Variants in CSNK2A2IP observed in about 807,000 individuals in gnomAD.
The protein encoded by CSNK2A2IP is casein kinase II subunit alpha'-interacting protein.
the CSNK2A2IP span, among the ~76,000 whole-genome samples, chr3:88,369,677 G>C: frequency 6.6e-6 from 1 of 151,952 alleles, no homozygotes; most frequent in Non-Finnish European, 1.5e-5. Context: ...CAGGGAGAGA[G>C]TAGAGGTGGG....
the CSNK2A2IP span, among the ~76,000 whole-genome samples, chr3:88,409,855 C>T: frequency 1.3e-5 from 2 of 151,862 alleles, no homozygotes; most frequent in African/African-American, 4.8e-5. Flanking sequence ...TAAAATGAAA[C>T]AATAAAAACT....
At chr3:88,356,031 T>A in the CSNK2A2IP span, among the ~76,000 whole-genome samples, 1 of 152,176 alleles carries the variant, frequency 6.6e-6, no homozygotes, top group African/African-American at 2.4e-5. Context: ...CAATGTATAA[T>A]GATCAAATAA....
the CSNK2A2IP span, among the ~76,000 whole-genome samples, chr3:88,409,093 C>T: frequency 1.3e-5 from 2 of 151,846 alleles, no homozygotes; most frequent in Admixed American, 6.6e-5. Context: ...ATAATTGATC[C>T]CCTTCGGTGT....
chr3:88,466,151 A>G, the CSNK2A2IP span: 2,093 of 1,231,576 alleles, frequency 1.7e-3, 3 homozygotes, highest in Admixed American at 3.0e-3. Flanking sequence ...TTCAAACCCA[A>G]TCAAATTGCT....
chr3:88,360,118 G>A, the CSNK2A2IP span, among the ~76,000 whole-genome samples: 14 of 149,006 alleles, frequency 9.4e-5, no homozygotes, highest in Middle Eastern at 3.5e-3. Flanking sequence ...GACTTTCTTC[G>A]TCTTTTTAAA....
the CSNK2A2IP span, among the ~76,000 whole-genome samples, chr3:88,412,680 C>T: frequency 1.6e-4 from 24 of 151,916 alleles, no homozygotes; most frequent in African/African-American, 5.3e-4. Flanking sequence ...AGGAGCACTT[C>T]GTTGAGTGTA....
At chr3:88,445,158 A>G in the CSNK2A2IP span, among the ~76,000 whole-genome samples, 2 of 151,716 alleles carry the variant, frequency 1.3e-5, no homozygotes, top group Admixed American at 1.3e-4. Context: ...TATAATCTAC[A>G]ATATTCTAAA....
chr3:88,463,085 T>C, the CSNK2A2IP span, among the ~76,000 whole-genome samples: 1 of 152,190 alleles, frequency 6.6e-6, no homozygotes, highest in Non-Finnish European at 1.5e-5. Context: ...ATAGAGTTGA[T>C]AGTAAATTAA....
the CSNK2A2IP span, among the ~76,000 whole-genome samples, chr3:88,348,902 T>C: frequency 1.3e-5 from 2 of 152,150 alleles, no homozygotes; most frequent in South Asian, 2.1e-4. Flanking sequence ...CCAATTCTTT[T>C]ATGTTTTTTT....
chr3:88,436,885 T>A, the CSNK2A2IP span, among the ~76,000 whole-genome samples: 1 of 152,110 alleles, frequency 6.6e-6, no homozygotes, highest in Non-Finnish European at 1.5e-5. Context: ...TATTTAAAAT[T>A]TGGGGGCAAA....
the CSNK2A2IP span, among the ~76,000 whole-genome samples, chr3:88,439,768 G>A: frequency 6.7e-6 from 1 of 150,370 alleles, no homozygotes; most frequent in East Asian, 1.9e-4. Context: ...TCATCGAAGA[G>A]TTATCTCTAC....
the CSNK2A2IP span, among the ~76,000 whole-genome samples, chr3:88,415,994 G>T: frequency 1.2e-4 from 18 of 152,104 alleles, no homozygotes; most frequent in East Asian, 3.1e-3. Context: ...GGGTGGGCCA[G>T]GTGCAGTGGC....
chr3:88,466,262 A>G, the CSNK2A2IP span: 39 of 1,231,644 alleles, frequency 3.2e-5, no homozygotes, highest in South Asian at 4.1e-5. Context: ...AAAGCAAGGC[A>G]ATCAGCATCA....
the CSNK2A2IP span, among the ~76,000 whole-genome samples, chr3:88,448,679 C>T: frequency 1.3e-5 from 2 of 152,200 alleles, no homozygotes; most frequent in African/African-American, 4.8e-5. Flanking sequence ...CGCAGACATA[C>T]TAAACTCCAG....
At chr3:88,401,314 A>G in the CSNK2A2IP span, among the ~76,000 whole-genome samples, 3 of 152,238 alleles carry the variant, frequency 2.0e-5, no homozygotes, top group Middle Eastern at 3.4e-3. Context: ...AACTCTGGGG[A>G]ACTATCATTA....
At chr3:88,418,383 C>A in the CSNK2A2IP span, among the ~76,000 whole-genome samples, 165 of 151,958 alleles carry the variant, frequency 1.1e-3, 1 homozygote, top group Non-Finnish European at 2.0e-3. Context: ...ATAATTAGGA[C>A]TGTCTTTATG....
the CSNK2A2IP span, among the ~76,000 whole-genome samples, chr3:88,421,524 C>T: frequency 6.6e-6 from 1 of 152,140 alleles, no homozygotes; most frequent in South Asian, 2.1e-4. Context: ...TCAAGCAATT[C>T]TCCTACCTCA....
At chr3:88,374,355 C>T in the CSNK2A2IP span, among the ~76,000 whole-genome samples, 30 of 151,586 alleles carry the variant, frequency 2.0e-4, no homozygotes, top group South Asian at 8.3e-4. Flanking sequence ...GCCAGCTGGA[C>T]GTTTGATGGA....
the CSNK2A2IP span, among the ~76,000 whole-genome samples, chr3:88,464,678 C>T: frequency 1.3e-5 from 2 of 151,890 alleles, no homozygotes; most frequent in South Asian, 2.1e-4. Flanking sequence ...TGAAAAGAAA[C>T]ATTTGAAGTT....
Sources: allele counts gnomAD v4.1 joint callset (sites outside exome capture counted in the v4.1 genomes callset), GRCh38; gene constraint gnomAD v4.1.1; transcripts MANE v1.5; gene names NCBI Gene and HGNC (gene_info 2026-07-23, HGNC 2026-07-21).